TIMP4: variants seen among roughly 807,000 people sequenced by gnomAD.
The protein encoded by TIMP4 is TIMP metallopeptidase inhibitor 4.
In TIMP4, 28 loss-of-function variants were observed where a neutral mutation model predicts 27.3. The ratio of observed to expected loss-of-function variants is 1.03; its 90% CI spans 0.76 to 1.41. The LOEUF is 1.41. Ranked by LOEUF, TIMP4 falls within the 40% of genes most tolerant of loss-of-function variation. The probability of loss-of-function intolerance (pLI) is 0.00; values close to 1 mark genes in which losing one functional copy is unlikely to be tolerated. For missense variants in TIMP4, 307 were observed against 285.5 expected, an observed-to-expected ratio of 1.08 and a Z score of -0.54; for synonymous variants, 138 against 115.5, an observed-to-expected ratio of 1.20 and a Z score of -1.25.
intron 2 of TIMP4, among the ~76,000 whole-genome samples, 177 bp from the exon 3 acceptor site, chr3:12,157,111 C>A (rs308954): frequency 0.44 from 66,387 of 151,902 alleles, 15,498 homozygotes; most frequent in Admixed American, 0.54. Context: ...ACAACAACAA[C>A]AAAAAACACC....
chr3:12,153,924 C>T (rs969692855), intron 4 of TIMP4, among the ~76,000 whole-genome samples: 3 of 152,232 alleles, frequency 2.0e-5, no homozygotes, highest in Non-Finnish European at 4.4e-5. Context: ...AGTCAGACAG[C>T]TCTGAGGGTC....
chr3:12,158,575 T>G, intron 1 of TIMP4, 127 bp downstream of exon 1: 1 of 1,411,872 alleles, frequency 7.1e-7, no homozygotes, highest in Non-Finnish European at 9.6e-7. Flanking sequence ...CCCATCAGCC[T>G]CAGCAAGAGA....
chr3:12,153,426 T>C lies in TIMP4; in HGVS notation c.*89A>G. Reference sequence around the variant, plus strand: ...CTTCTTATTAGCTGGCAGCAAGAGGTCAGGTGGTAATGGCCAAAGCTCTGC... The same window carrying C: ...CTTCTTATTAGCTGGCAGCAAGAGGCCAGGTGGTAATGGCCAAAGCTCTGC... On this transcript the variant is annotated 3_prime_UTR_variant, in exon 5 of 5. Coordinates refer to ENST00000287814, the MANE Select transcript of TIMP4 (RefSeq NM_003256.4). 6.9e-7 allele frequency: 1 copy of C among 1,451,958 alleles called. No homozygotes were observed. Among genetic ancestry groups the C allele is most frequent in the Non-Finnish European group, 9.6e-7 (1 of 1,036,354 alleles). The allele number at this position is 1,451,958 out of a possible 1,614,324, so 89.9% of individuals were successfully genotyped here. A position where few individuals can be genotyped will look rare whatever the true frequency, so the allele number is the denominator to read the frequency against.
Position 12,154,828 on chromosome 3 carries a change from G to T in TIMP4, c.353-377C>A, listed in dbSNP as rs917981795. Among the ~76,000 whole-genome samples the T allele has an allele frequency of 3.5e-4, 53 of 151,952 alleles. No individual in the cohort carries two copies. In the East Asian group the frequency reaches 8.9e-3, roughly 26 times the overall value. On this transcript the variant is annotated intron_variant, in intron 3 of 4. Transcript: ENST00000287814. ...GCTGGAAGATGAAAATTATAAAGTT[G>T]TCAGATTAAATGAGAGATTGTCTAT...
rs547565856 is a variant in TIMP4 at position 12,155,709 on chromosome 3, A to G, written c.352+1111T>C. ...AACTTTTCTTAGACTATTTTTTGTC[A>G]TTTCTCCCCACCCTCAGTTAGACTT... is the stretch of plus-strand genomic sequence containing the variant. On this transcript the variant is annotated intron_variant, in intron 3 of 4. Transcript: ENST00000287814. 5.9e-5 allele frequency among the ~76,000 whole-genome samples: 9 copies of G among 152,232 alleles called. No homozygotes were observed. The East Asian group carries it at 1.5e-3, about 26-fold the overall frequency.
chr3:12,157,546 G>T, intron 1 of TIMP4, 64 bp from the exon 2 acceptor site: 1 of 1,503,186 alleles, frequency 6.7e-7, no homozygotes, highest in Non-Finnish European at 9.2e-7. Context: ...CTGAGGTCTG[G>T]ATGATCCAGG....
At chr3:12,155,608 GT>G (rs1697432070) in intron 3 of TIMP4, among the ~76,000 whole-genome samples, 1 of 152,208 alleles carries the variant, frequency 6.6e-6, no homozygotes, top group Non-Finnish European at 1.5e-5. Context: ...GGGCAGCAGT[GT>G]TCTGGTCACA....
intron 3 of TIMP4, among the ~76,000 whole-genome samples, chr3:12,156,562 C>T (rs1464320423): frequency 6.6e-6 from 1 of 152,224 alleles, no homozygotes; most frequent in Non-Finnish European, 1.5e-5. Context: ...AGCTGCCCTA[C>T]ACTGGGTGAG....
chr3:12,157,519 T>A, intron 1 of TIMP4, 37 bp from the exon 2 acceptor site: 1 of 1,597,948 alleles, frequency 6.3e-7, no homozygotes, highest in Non-Finnish European at 8.6e-7. Flanking sequence ...CTTCAGCAGC[T>A]GGTGGGGGCA....
At chr3:12,157,265 G>T in intron 2 of TIMP4, 120 bp downstream of exon 2, 2 of 880,446 alleles carry the variant, frequency 2.3e-6, no homozygotes, top group Non-Finnish European at 1.8e-6. Context: ...TTCCACTTCA[G>T]TATCTAGACC....
At chr3:12,155,632 C>T (rs1250748537) in intron 3 of TIMP4, among the ~76,000 whole-genome samples, 1 of 152,218 alleles carries the variant, frequency 6.6e-6, no homozygotes, top group Non-Finnish European at 1.5e-5. Flanking sequence ...GAGCTTTCAA[C>T]ACCAGGCAAA....
chr3:12,153,100 T>C lies in TIMP4; in HGVS notation c.*415A>G, dbSNP rs548280901. ...TTTCATTCCTGCCAGTCAGCCTGTT[T>C]ATGATGCTGTCAAACCACCTTCTGA... is the stretch of plus-strand genomic sequence containing the variant. On this transcript the variant is annotated 3_prime_UTR_variant, in exon 5 of 5. Coordinates refer to ENST00000287814, the MANE Select transcript of TIMP4 (RefSeq NM_003256.4). 36 of 251,266 alleles carry C rather than the reference T, an allele frequency of 1.4e-4. No individual in the cohort carries two copies. The highest frequency in any genetic ancestry group is 6.5e-4 in the African/African-American group (30 of 46,216). 15.6% of individuals were successfully genotyped at this position (251,266 alleles called of 1,614,324 possible).
At chr3:12,157,799 A>T (rs1029368172) in intron 1 of TIMP4, among the ~76,000 whole-genome samples, 1 of 152,202 alleles carries the variant, frequency 6.6e-6, no homozygotes, top group African/African-American at 2.4e-5. Context: ...GTCAGAGTAG[A>T]GAAGGGAGGA....
intron 3 of TIMP4, among the ~76,000 whole-genome samples, chr3:12,155,184 G>A (rs1697419570): frequency 6.6e-6 from 1 of 152,156 alleles, no homozygotes. Flanking sequence ...TACTCACTGA[G>A]TGACTGCTGT....
At position 12,153,509 on chromosome 3, in the gene TIMP4, TC is replaced by T; in HGVS notation, c.*5del. ...CTTGAAGGGATGTGATGGTCACTGG[TC>T]CCTACTAGGGCTGAACGATGTCAAC... On this transcript the variant is annotated 3_prime_UTR_variant, in exon 5 of 5. Coordinates refer to ENST00000287814, the MANE Select transcript of TIMP4 (RefSeq NM_003256.4). The T allele has an allele frequency of 6.2e-7, 1 of 1,612,874 alleles. No homozygotes were observed. Among genetic ancestry groups the T allele is most frequent in the Non-Finnish European group, 8.5e-7 (1 of 1,179,984 alleles).
chr3:12,157,942 T>A (rs1697506682), intron 1 of TIMP4, among the ~76,000 whole-genome samples: 1 of 152,220 alleles, frequency 6.6e-6, no homozygotes, highest in Non-Finnish European at 1.5e-5. Context: ...AGGTATTGCA[T>A]CTCTTGCCAT....
intron 3 of TIMP4, among the ~76,000 whole-genome samples, chr3:12,154,732 T>C (rs1326061118): frequency 6.6e-6 from 1 of 152,266 alleles, no homozygotes; most frequent in African/African-American, 2.4e-5. Flanking sequence ...AGTCAAAGTC[T>C]GTGTGGGATC....
At chr3:12,156,215 A>G (rs1697452986) in intron 3 of TIMP4, among the ~76,000 whole-genome samples, 1 of 152,200 alleles carries the variant, frequency 6.6e-6, no homozygotes. Flanking sequence ...TTATGTTTTC[A>G]GGCCAGTTTA....
chr3:12,158,426 T>G (rs1469633566), intron 1 of TIMP4, among the ~76,000 whole-genome samples: 2 of 152,134 alleles, frequency 1.3e-5, no homozygotes, highest in African/African-American at 2.4e-5. Flanking sequence ...GGTGACACCT[T>G]GTGTAATGAC....
Sources: gnomAD v4.1 joint callset for allele counts (sites outside exome capture counted in the v4.1 genomes callset) on GRCh38, gnomAD v4.1.1 for gene constraint, MANE v1.5 for transcripts, NCBI Gene and HGNC (gene_info 2026-07-23, HGNC 2026-07-21) for gene names.